MSN: variants seen among roughly 807,000 people sequenced by gnomAD.
The protein encoded by MSN is epididymis luminal protein 70.
Under a neutral mutation model 48.0 loss-of-function variants are expected in MSN, and 2 were observed. The observed-to-expected ratio is 0.04, with a 90% CI of 0.02 to 0.13. The LOEUF (loss-of-function observed/expected upper bound fraction) is 0.13, where lower values mean the gene tolerates loss of function less well. Ranked by LOEUF, MSN falls within the 10% of genes least tolerant of loss-of-function variation. MSN has a pLI of 1.00. For synonymous variants in MSN, 146 were observed against 166.9 expected (o/e 0.87, Z 0.97); for missense variants, 267 against 470.1 (o/e 0.57, Z 3.99).
chrX:65,641,554 A>G (rs1247743100), intron 1 of MSN, among the ~76,000 whole-genome samples: 3 of 7,899 alleles, frequency 3.8e-4, no homozygotes, highest in South Asian at 4.6e-3. Flanking sequence ...AGTGAAGTAT[A>G]TATATATATA....
chrX:65,679,953 T>C (rs2148389237), intron 1 of MSN, among the ~76,000 whole-genome samples: 1 of 112,521 alleles, frequency 8.9e-6, no homozygotes, highest in East Asian at 2.8e-4. Context: ...TTCTCCAGCA[T>C]TGAGCTGGAA....
intron 1 of MSN, among the ~76,000 whole-genome samples, chrX:65,652,943 G>A (rs895547061): frequency 6.2e-5 from 7 of 112,068 alleles, no homozygotes; most frequent in Non-Finnish European, 1.1e-4. Context: ...CTAAGATTCA[G>A]AGGTTCTATG....
intron 1 of MSN, among the ~76,000 whole-genome samples, chrX:65,694,272 A>G (rs2071207672): frequency 1.8e-5 from 2 of 111,076 alleles, no homozygotes; most frequent in Admixed American, 1.9e-4. Flanking sequence ...ATAATTTTAG[A>G]ACCCTGAAGT....
At chrX:65,696,468 T>C (rs955819840) in intron 1 of MSN, among the ~76,000 whole-genome samples, 3 of 111,867 alleles carry the variant, frequency 2.7e-5, no homozygotes, top group Non-Finnish European at 5.6e-5. Flanking sequence ...GTATGTTGCC[T>C]TGACCATTAG....
At chrX:65,685,444 T>C (rs1013944432) in intron 1 of MSN, among the ~76,000 whole-genome samples, 24 of 111,817 alleles carry the variant, frequency 2.1e-4, no homozygotes, top group Non-Finnish European at 4.3e-4. Context: ...GAAAGAAACT[T>C]TGTGAGTGTA....
At chrX:65,597,220 T>C (rs1475709977) in intron 1 of MSN, among the ~76,000 whole-genome samples, 1 of 100,287 alleles carries the variant, frequency 1.0e-5, no homozygotes, top group Non-Finnish European at 2.0e-5. Context: ...TCTTTCTTTC[T>C]TTTTTTTTTT....
intron 1 of MSN, among the ~76,000 whole-genome samples, chrX:65,608,918 A>T: frequency 9.0e-6 from 1 of 110,873 alleles, no homozygotes; most frequent in African/African-American, 3.3e-5. Context: ...TTGTGAAGTG[A>T]AATTGCCAAC....
chrX:65,660,054 G>A (rs1017978756), intron 1 of MSN, among the ~76,000 whole-genome samples: 9 of 111,427 alleles, frequency 8.1e-5, no homozygotes, highest in East Asian at 5.7e-4. Flanking sequence ...TTTCACTGCC[G>A]TCTTAAAGAA....
intron 1 of MSN, among the ~76,000 whole-genome samples, chrX:65,634,567 C>T (rs1391444579): frequency 6.3e-5 from 7 of 110,495 alleles, no homozygotes; most frequent in Admixed American, 1.9e-4. Context: ...GAGCCGAGAT[C>T]GCAACACTGC....
chrX:65,645,569 T>C (rs1217162925), intron 1 of MSN, among the ~76,000 whole-genome samples: 1 of 109,601 alleles, frequency 9.1e-6, no homozygotes, highest in Non-Finnish European at 1.9e-5. Flanking sequence ...TTGTGAAGAG[T>C]GAGTATGAGT....
intron 1 of MSN, among the ~76,000 whole-genome samples, chrX:65,695,504 T>C (rs2071225781): frequency 1.7e-5 from 1 of 58,046 alleles, no homozygotes; most frequent in Non-Finnish European, 2.8e-5. Flanking sequence ...CAAAACTCTG[T>C]CTCAAAAAAA....
At chrX:65,688,542 A>C (rs1340976963) in intron 1 of MSN, among the ~76,000 whole-genome samples, 1 of 111,992 alleles carries the variant, frequency 8.9e-6, no homozygotes, top group Non-Finnish European at 1.9e-5. Flanking sequence ...AAGGGAAGGC[A>C]GTGTTGTTTC....
chrX:65,708,769 G>A (rs778196348), intron 1 of MSN, among the ~76,000 whole-genome samples: 4 of 111,055 alleles, frequency 3.6e-5, no homozygotes, highest in Non-Finnish European at 5.7e-5. Flanking sequence ...TGCAACCTCC[G>A]CCTCTCGGGT....
intron 1 of MSN, among the ~76,000 whole-genome samples, chrX:65,704,569 C>CT (rs2071341661): frequency 9.0e-6 from 1 of 111,069 alleles, no homozygotes; most frequent in South Asian, 3.7e-4. Flanking sequence ...GTCTCAGATC[C>CT]TGAAAGTTAG....
intron 1 of MSN, among the ~76,000 whole-genome samples, chrX:65,642,155 A>G (rs2070660926): frequency 2.1e-5 from 2 of 97,223 alleles, no homozygotes; most frequent in Admixed American, 2.3e-4. Flanking sequence ...AAAAAAAAAG[A>G]AAGAAACGAA....
At chrX:65,664,632 C>T (rs2070852625), upstream of MSN, among the ~76,000 whole-genome samples, 1 of 109,080 alleles carries the variant, frequency 9.2e-6, no homozygotes, top group Admixed American at 9.9e-5. Flanking sequence ...TCTCTATTTC[C>T]CATCCTCTCC....
intron 1 of MSN, among the ~76,000 whole-genome samples, chrX:65,614,478 C>T (rs1223270671): frequency 2.8e-5 from 3 of 108,679 alleles, no homozygotes; most frequent in Non-Finnish European, 3.8e-5. Flanking sequence ...TGGCCATATT[C>T]ATGATATTCT....
chrX:65,605,607 C>A (rs1049637823), intron 1 of MSN, among the ~76,000 whole-genome samples: 1 of 111,992 alleles, frequency 8.9e-6, no homozygotes, highest in Non-Finnish European at 1.9e-5. Context: ...GACCACAAGC[C>A]AAATTTTTTG....
At chrX:65,696,753 G>C (rs1246290468) in intron 1 of MSN, among the ~76,000 whole-genome samples, 2 of 111,431 alleles carry the variant, frequency 1.8e-5, no homozygotes, top group African/African-American at 6.5e-5. Flanking sequence ...TAAATTGTTA[G>C]CTGAGCTTGT....
Sources: allele counts gnomAD v4.1 joint callset (sites outside exome capture counted in the v4.1 genomes callset), GRCh38; gene constraint gnomAD v4.1.1; transcripts MANE v1.5; gene names NCBI Gene and HGNC (gene_info 2026-07-23, HGNC 2026-07-21).